Variants in WWOX observed in about 807,000 individuals in gnomAD.
WWOX encodes the protein WW domain containing oxidoreductase, also known as WW domain-containing oxidoreductase.
WWOX carries 69 observed loss-of-function variants against 46.2 expected under a neutral mutation model. The observed-to-expected ratio is 1.49, with a 90% CI of 1.23 to 1.82. The LOEUF (loss-of-function observed/expected upper bound fraction) is 1.82, where lower values mean the gene tolerates loss of function less well. Ranked by LOEUF, WWOX falls within the 40% of genes most tolerant of loss-of-function variation. WWOX has a pLI of 0.00. For synonymous variants in WWOX, 359 were observed against 202.6 expected, an observed-to-expected ratio of 1.77 and a Z score of -6.56; for missense variants, 919 against 542.6, an observed-to-expected ratio of 1.69 and a Z score of -6.89.
chr16:78,296,914 G>T (rs2079951910), intron 5 of WWOX, among the ~76,000 whole-genome samples: 1 of 152,146 alleles, frequency 6.6e-6, no homozygotes, highest in Admixed American at 6.5e-5. Flanking sequence ...AGATTATTAA[G>T]ATTTGAGCAA....
chr16:78,169,639 T>C (rs996506964), intron 5 of WWOX, among the ~76,000 whole-genome samples: 6 of 152,130 alleles, frequency 3.9e-5, no homozygotes, highest in African/African-American at 1.4e-4. Flanking sequence ...TTCTAAATTT[T>C]AGTTTCTAAA....
rs2047800883 is a variant in WWOX at position 79,033,254 on chromosome 16, C to A, written c.1057-178354C>A. On this transcript the variant is annotated intron_variant, in intron 8 of 8. Transcript: ENST00000566780. ...AAACAAAGTCTATAAAAACTGTTTT[C>A]CTTTGTTATTGCCCCCACCAAATAT... Among the ~76,000 whole-genome samples, 5 of 146,360 alleles carry A rather than the reference C, an allele frequency of 3.4e-5. No homozygotes were observed. The South Asian group carries it at 1.1e-3, about 31-fold the overall frequency.
At chr16:78,454,576 G>A (rs1186131923) in intron 8 of WWOX, among the ~76,000 whole-genome samples, 2 of 152,250 alleles carry the variant, frequency 1.3e-5, no homozygotes, top group Admixed American at 1.3e-4. Flanking sequence ...CACGATCTCT[G>A]CTGACCCCAA....
At chr16:78,628,618 G>T (rs1010821614) in intron 8 of WWOX, among the ~76,000 whole-genome samples, 7 of 151,336 alleles carry the variant, frequency 4.6e-5, no homozygotes, top group African/African-American at 1.7e-4. Context: ...ATTTATTCCA[G>T]CAATTTTTTT....
At chr16:78,755,839 C>A (rs117864666) in intron 8 of WWOX, among the ~76,000 whole-genome samples, 1 of 152,158 alleles carries the variant, frequency 6.6e-6, no homozygotes, top group Non-Finnish European at 1.5e-5. Context: ...TACAAGTAAC[C>A]ACCCCAGATT....
intron 8 of WWOX, among the ~76,000 whole-genome samples, chr16:79,179,108 G>A (rs2050859073): frequency 6.6e-6 from 1 of 152,158 alleles, no homozygotes; most frequent in East Asian, 1.9e-4. Context: ...GACACATGGG[G>A]GAACTACCAG....
intron 6 of WWOX, among the ~76,000 whole-genome samples, chr16:78,395,152 C>A (rs8060244): frequency 6.6e-6 from 1 of 152,066 alleles, no homozygotes; most frequent in African/African-American, 2.4e-5. Context: ...AGCAATAAGA[C>A]AACTAATTAA....
intron 5 of WWOX, among the ~76,000 whole-genome samples, chr16:78,318,100 G>A (rs2080391544): frequency 6.6e-6 from 1 of 152,018 alleles, no homozygotes; most frequent in African/African-American, 2.4e-5. Context: ...AACACCAAGG[G>A]GATGTGAGTC....
chr16:78,144,701 A>T (rs1223349618), intron 4 of WWOX, among the ~76,000 whole-genome samples: 3 of 150,198 alleles, frequency 2.0e-5, no homozygotes, highest in African/African-American at 7.3e-5. Flanking sequence ...TTGTATTTTT[A>T]GTAGAGGTGG....
chr16:79,095,732 A>G (rs1006360771), intron 8 of WWOX, among the ~76,000 whole-genome samples: 5 of 152,038 alleles, frequency 3.3e-5, no homozygotes, highest in Admixed American at 2.0e-4. Context: ...CGGAGTTTAC[A>G]TGTGAGAGGA....
intron 8 of WWOX, among the ~76,000 whole-genome samples, chr16:79,173,691 A>G (rs1056798564): frequency 3.3e-5 from 5 of 152,208 alleles, no homozygotes; most frequent in African/African-American, 1.2e-4. Context: ...TGAAGGTTCA[A>G]CAGCAGGTGA....
intron 5 of WWOX, among the ~76,000 whole-genome samples, chr16:78,350,192 T>TA (rs1440587057): frequency 8.2e-6 from 1 of 121,466 alleles, no homozygotes; most frequent in Non-Finnish European, 2.0e-5. Flanking sequence ...AGTTGCCTGA[T>TA]ATGTCTCCAT....
intron 8 of WWOX, among the ~76,000 whole-genome samples, chr16:78,630,466 G>A (rs79540777): frequency 0.028 from 4,196 of 152,224 alleles, 212 homozygotes; most frequent in African/African-American, 0.096. Flanking sequence ...GGGTGCCTAC[G>A]TGGCCAACTT....
At chr16:78,831,543 A>G (rs886679431) in intron 8 of WWOX, among the ~76,000 whole-genome samples, 1 of 152,320 alleles carries the variant, frequency 6.6e-6, no homozygotes, top group East Asian at 1.9e-4. Context: ...GGGTGCACAA[A>G]GCCAGCATCA....
intron 8 of WWOX, among the ~76,000 whole-genome samples, chr16:78,955,380 A>C (rs567573016): frequency 6.6e-6 from 1 of 152,300 alleles, no homozygotes; most frequent in Admixed American, 6.5e-5. Context: ...CGCAGCACTC[A>C]GGTCAGACTT....
intron 3 of WWOX, among the ~76,000 whole-genome samples, chr16:78,113,636 G>GA (rs928591923): frequency 6.6e-6 from 1 of 152,096 alleles, no homozygotes; most frequent in Admixed American, 6.6e-5. Context: ...TCTTCAGGGG[G>GA]AAAAAAGCCA....
intron 8 of WWOX, among the ~76,000 whole-genome samples, chr16:78,838,931 G>C (rs1405922909): frequency 6.6e-6 from 1 of 152,124 alleles, no homozygotes; most frequent in Non-Finnish European, 1.5e-5. Flanking sequence ...GGGAACCAGA[G>C]TGGATTTAAA....
intron 8 of WWOX, among the ~76,000 whole-genome samples, chr16:79,188,219 T>C (rs1031787549): frequency 1.3e-5 from 2 of 152,152 alleles, no homozygotes; most frequent in African/African-American, 4.8e-5. Context: ...GTAGTGGTGC[T>C]GCATGGGATA....
intron 8 of WWOX, among the ~76,000 whole-genome samples, chr16:78,603,346 A>C (rs542598741): frequency 7.2e-4 from 109 of 152,310 alleles, no homozygotes; most frequent in African/African-American, 2.5e-3. Flanking sequence ...TCTCATTCTG[A>C]GTATCAGGGA....
Sources: gnomAD v4.1 joint callset for allele counts (sites outside exome capture counted in the v4.1 genomes callset) on GRCh38, gnomAD v4.1.1 for gene constraint, MANE v1.5 for transcripts, NCBI Gene and HGNC (gene_info 2026-07-23, HGNC 2026-07-21) for gene names.